The following LRRTM4 variants were observed in gnomAD, a reference collection of about 807,000 sequenced individuals.
The protein encoded by LRRTM4 is leucine-rich repeat transmembrane neuronal protein 4.
A neutral mutation model predicts 47.6 loss-of-function variants in LRRTM4; 25 were observed. The observed-to-expected ratio is 0.53, with a 90% CI of 0.38 to 0.73. LRRTM4 has a LOEUF of 0.73. Among genes scored for constraint, LRRTM4 ranks in the 30% least tolerant of loss-of-function variants. LRRTM4 has a pLI of 0.00. For missense variants in LRRTM4, 638 were observed against 713.4 expected, an observed-to-expected ratio of 0.89 and a Z score of 1.20; for synonymous variants, 311 against 269.5, an observed-to-expected ratio of 1.15 and a Z score of -1.51.
At chr2:77,490,353 A>C (rs961916250) in intron 3 of LRRTM4, among the ~76,000 whole-genome samples, 1 of 152,164 alleles carries the variant, frequency 6.6e-6, no homozygotes, top group African/African-American at 2.4e-5. Flanking sequence ...TTATAAAAGA[A>C]AGGGAACACT....
At chr2:76,946,822 AATT>A (rs930762745) in intron 3 of LRRTM4, among the ~76,000 whole-genome samples, 11 of 151,892 alleles carry the variant, frequency 7.2e-5, no homozygotes, top group Admixed American at 3.3e-4. Context: ...AATTTTATTG[AATT>A]ATTATCATTT....
At chr2:76,964,120 G>A (rs1466991203) in intron 3 of LRRTM4, among the ~76,000 whole-genome samples, 2 of 150,878 alleles carry the variant, frequency 1.3e-5, no homozygotes, top group Non-Finnish European at 3.0e-5. Context: ...AAATAAAAAT[G>A]AGCCTAAACC....
chr2:77,220,643 G>A (rs1318336248), intron 3 of LRRTM4, among the ~76,000 whole-genome samples: 1 of 152,126 alleles, frequency 6.6e-6, no homozygotes, highest in Non-Finnish European at 1.5e-5. Flanking sequence ...AGTGAGAAGT[G>A]AAGTTTAGAG....
At chr2:76,896,685 T>A (rs1283315272) in intron 3 of LRRTM4, among the ~76,000 whole-genome samples, 1 of 151,714 alleles carries the variant, frequency 6.6e-6, no homozygotes, top group African/African-American at 2.4e-5. Flanking sequence ...AAGTGTTATC[T>A]AATTAAATAC....
rs1180007854 is a variant in LRRTM4, at chr2:76,804,260, C to G, written c.1552-55344G>C. Among the ~76,000 whole-genome samples, 3 of 152,112 alleles carry G rather than the reference C, an allele frequency of 2.0e-5. No individual in the cohort carries two copies. The East Asian group carries it at 5.8e-4, about 29-fold the overall frequency. Reference sequence around the variant, plus strand: ...GTAGAAACAGGCATTCTATTGTATTCTGAGATTTTTTAATTTGTTATTTCT... The same window carrying G: ...GTAGAAACAGGCATTCTATTGTATTGTGAGATTTTTTAATTTGTTATTTCT... On this transcript the variant is annotated intron_variant, in intron 3 of 3. Coordinates refer to ENST00000409884, the MANE Select transcript of LRRTM4 (RefSeq NM_001134745.3).
chr2:77,375,497 G>A (rs905125685), intron 3 of LRRTM4, among the ~76,000 whole-genome samples: 1 of 151,680 alleles, frequency 6.6e-6, no homozygotes, highest in Non-Finnish European at 1.5e-5. Context: ...GGAACAAATA[G>A]TACTGTTAAC....
intron 3 of LRRTM4, among the ~76,000 whole-genome samples, chr2:76,830,814 A>G (rs1197443533): frequency 6.6e-6 from 1 of 152,074 alleles, no homozygotes; most frequent in Non-Finnish European, 1.5e-5. Context: ...AGCAGGTGAG[A>G]CATTGGTAAA....
At chr2:77,366,794 G>A (rs80163839) in intron 3 of LRRTM4, among the ~76,000 whole-genome samples, 269 of 151,774 alleles carry the variant, frequency 1.8e-3, no homozygotes, top group Non-Finnish European at 2.9e-3. Context: ...AACATCATTC[G>A]TATGCATTAA....
intron 3 of LRRTM4, among the ~76,000 whole-genome samples, chr2:76,836,224 A>G (rs1462026841): frequency 6.6e-6 from 1 of 151,706 alleles, no homozygotes; most frequent in Non-Finnish European, 1.5e-5. Context: ...TGTCAGTAGA[A>G]TATTAGTATA....
At chr2:77,078,780 C>T (rs74548485) in intron 3 of LRRTM4, among the ~76,000 whole-genome samples, 6,683 of 152,210 alleles carry the variant, frequency 0.044, 164 homozygotes, top group South Asian at 0.081. Flanking sequence ...CATTGAAATA[C>T]CATCTTACTT....
chr2:77,421,829 G>T (rs553969851), intron 3 of LRRTM4, among the ~76,000 whole-genome samples: 1 of 152,240 alleles, frequency 6.6e-6, no homozygotes, highest in South Asian at 2.1e-4. Flanking sequence ...GAAATCTTGA[G>T]ATAACGATAT....
intron 3 of LRRTM4, among the ~76,000 whole-genome samples, chr2:77,312,720 A>G (rs1456497772): frequency 2.0e-5 from 3 of 152,106 alleles, no homozygotes; most frequent in Non-Finnish European, 2.9e-5. Flanking sequence ...AACTAAATGG[A>G]AACTAGTCAT....
chr2:77,460,639 A>C lies in LRRTM4; in HGVS notation c.1551+57679T>G, dbSNP rs535756614. Reference sequence around the variant, plus strand: ...TAATAAGTTAATTGATTATGAAGTAATTTTTTTGAAATGGTGCATTCTCTT... The same window carrying C: ...TAATAAGTTAATTGATTATGAAGTACTTTTTTTGAAATGGTGCATTCTCTT... On this transcript the variant is annotated intron_variant, in intron 3 of 3. Coordinates refer to ENST00000409884, the MANE Select transcript of LRRTM4 (RefSeq NM_001134745.3). Among the ~76,000 whole-genome samples, 55 of 152,234 alleles carry C rather than the reference A, an allele frequency of 3.6e-4. 1 individual carries two copies. In the South Asian group the frequency reaches 0.011, roughly 32 times the overall value.
chr2:77,049,268 C>A (rs1372468812), intron 3 of LRRTM4, among the ~76,000 whole-genome samples: 1 of 150,224 alleles, frequency 6.7e-6, no homozygotes, highest in Non-Finnish European at 1.5e-5. Context: ...CGTGGGAATG[C>A]ATATATCTAT....
chr2:77,026,251 C>T (rs1391783381), intron 3 of LRRTM4, among the ~76,000 whole-genome samples: 1 of 152,074 alleles, frequency 6.6e-6, no homozygotes, highest in East Asian at 1.9e-4. Context: ...AAGCACTTTA[C>T]ATGCATCATG....
At chr2:76,911,820 G>A (rs1674066866) in intron 3 of LRRTM4, among the ~76,000 whole-genome samples, 1 of 151,330 alleles carries the variant, frequency 6.6e-6, no homozygotes. Flanking sequence ...AGTGATTTGT[G>A]TGTGTGCCTG....
At chr2:77,269,580 A>T (rs564298804) in intron 3 of LRRTM4, among the ~76,000 whole-genome samples, 2 of 152,322 alleles carry the variant, frequency 1.3e-5, no homozygotes, top group African/African-American at 4.8e-5. Context: ...AATACAAATT[A>T]AATTTAAATA....
intron 3 of LRRTM4, among the ~76,000 whole-genome samples, chr2:76,822,047 A>C (rs1172669796): frequency 6.6e-6 from 1 of 151,652 alleles, no homozygotes. Context: ...AAACAAACCA[A>C]ATTGGGCCCA....
chr2:77,251,020 T>G (rs867257366), intron 3 of LRRTM4, among the ~76,000 whole-genome samples: 77 of 151,950 alleles, frequency 5.1e-4, no homozygotes, highest in African/African-American at 1.8e-3. Context: ...GGAGAATCCC[T>G]TGAACCTGGG....
Sources: gnomAD v4.1 joint callset for allele counts (sites outside exome capture counted in the v4.1 genomes callset) on GRCh38, gnomAD v4.1.1 for gene constraint, MANE v1.5 for transcripts, NCBI Gene and HGNC (gene_info 2026-07-23, HGNC 2026-07-21) for gene names.